The following VPS35L variants were observed in gnomAD, a reference collection of about 807,000 sequenced individuals.
VPS35L encodes the protein VPS35 endosomal protein sorting factor like, also known as VPS35 endosomal protein-sorting factor-like.
A neutral mutation model predicts 133.0 loss-of-function variants in VPS35L; 83 were observed. The ratio of observed to expected loss-of-function variants is 0.62; its 90% CI spans 0.52 to 0.75. VPS35L has a LOEUF of 0.75. Among genes scored for constraint, VPS35L ranks in the 30% least tolerant of loss-of-function variants. The probability of loss-of-function intolerance (pLI) is 0.00; values close to 1 mark genes in which losing one functional copy is unlikely to be tolerated. For missense variants in VPS35L, 1,083 were observed against 1,206.8 expected (o/e 0.90, Z 1.52); for synonymous variants, 423 against 449.9 (o/e 0.94, Z 0.76).
At chr16:19,692,247 T>A (rs1253820483) in intron 29 of VPS35L, among the ~76,000 whole-genome samples, 2 of 152,048 alleles carry the variant, frequency 1.3e-5, no homozygotes, top group Non-Finnish European at 2.9e-5. Flanking sequence ...ACCCGGTAAC[T>A]CTCTGCACCA....
chr16:19,635,405 C>T (rs1008766215), intron 19 of VPS35L, among the ~76,000 whole-genome samples: 1 of 152,080 alleles, frequency 6.6e-6, no homozygotes, highest in African/African-American at 2.4e-5. Flanking sequence ...AAAAACCCCA[C>T]ATATATCATT....
At chr16:19,620,753 C>G (rs914549344) in intron 14 of VPS35L, among the ~76,000 whole-genome samples, 2 of 152,066 alleles carry the variant, frequency 1.3e-5, no homozygotes, top group African/African-American at 4.8e-5. Context: ...GAGTTTGAGA[C>G]CAGCCTGGCC....
At chr16:19,669,950 T>C (rs2151606014) in intron 27 of VPS35L, among the ~76,000 whole-genome samples, 1 of 152,176 alleles carries the variant, frequency 6.6e-6, no homozygotes, top group Non-Finnish European at 1.5e-5. Flanking sequence ...GGATTACAGG[T>C]GTGAGCCACC....
chr16:19,678,782 A>G (rs1412076936), intron 27 of VPS35L, among the ~76,000 whole-genome samples: 3 of 151,894 alleles, frequency 2.0e-5, no homozygotes, highest in African/African-American at 4.8e-5. Context: ...CCAGCCCATC[A>G]GTACAATTAA....
chr16:19,606,784 A>C (rs1282801490), intron 9 of VPS35L, among the ~76,000 whole-genome samples: 1 of 152,204 alleles, frequency 6.6e-6, no homozygotes, highest in Non-Finnish European at 1.5e-5. Context: ...TTAGAGAATA[A>C]ATAAATAAGG....
At chr16:19,664,628 C>T (rs1005494094) in intron 26 of VPS35L, among the ~76,000 whole-genome samples, 1 of 151,362 alleles carries the variant, frequency 6.6e-6, no homozygotes. Context: ...CAGCAGGGAA[C>T]GGTGGCTCAC....
intron 7 of VPS35L, among the ~76,000 whole-genome samples, chr16:19,587,847 T>A (rs1971920616): frequency 6.9e-6 from 1 of 145,742 alleles, no homozygotes; most frequent in Non-Finnish European, 1.5e-5. Flanking sequence ...TCACCAAGGC[T>A]GGAGTGCAGT....
intron 6 of VPS35L, 31 bp downstream of exon 6, chr16:19,579,159 T>A (rs763993541): frequency 5.0e-6 from 8 of 1,598,628 alleles, no homozygotes; most frequent in Admixed American, 3.4e-5. Context: ...ATACAGGGAG[T>A]GGGAGAGCTT....
intron 12 of VPS35L, among the ~76,000 whole-genome samples, chr16:19,614,704 G>A (rs1439436413): frequency 1.3e-5 from 2 of 152,126 alleles, no homozygotes; most frequent in Non-Finnish European, 2.9e-5. Flanking sequence ...AGCCACTGCA[G>A]CCCAGCCTAC....
Position 19,573,133 on chromosome 16 carries a change from G to A in VPS35L, c.300G>A (p.Arg100=). ...CCTTTCTTTAGGACAGCTCCAGAAG[G>A]AAACGTGATAGAGATGATAACTCCG... The part of the protein sequence containing the change: ...ALAAAMDSSR[R]KRDRDDNSVV... The change falls in exon 4 of 31, where the codon AGG becomes AGA. Residue 100 remains arginine (R), a synonymous_variant. Transcript: ENST00000417362. 1 of 1,613,668 alleles carries A rather than the reference G, an allele frequency of 6.2e-7. No individual in the cohort carries two copies. The highest frequency in any genetic ancestry group is 8.5e-7 in the Non-Finnish European group (1 of 1,179,786).
At chr16:19,563,088 C>T (rs1013212516) in intron 1 of VPS35L, among the ~76,000 whole-genome samples, 33 of 151,764 alleles carry the variant, frequency 2.2e-4, no homozygotes, top group African/African-American at 7.0e-4. Flanking sequence ...AAAAGGAAAA[C>T]GGATACTTTA....
chr16:19,638,611 G>A (rs556032069), intron 20 of VPS35L, among the ~76,000 whole-genome samples: 86 of 152,358 alleles, frequency 5.6e-4, no homozygotes, highest in African/African-American at 2.0e-3. Flanking sequence ...GCATCATTAA[G>A]TAAAATAAGT....
chr16:19,685,230 C>G (rs1233012641), intron 28 of VPS35L, among the ~76,000 whole-genome samples: 2 of 152,214 alleles, frequency 1.3e-5, no homozygotes, highest in East Asian at 1.9e-4. Context: ...ACACACCACT[C>G]TCTCTCCTGA....
chr16:19,604,696 T>G (rs761221229), intron 9 of VPS35L, among the ~76,000 whole-genome samples: 1 of 152,184 alleles, frequency 6.6e-6, no homozygotes, highest in Non-Finnish European at 1.5e-5. Context: ...CCAAAGAGAT[T>G]ATGTGTGAAG....
intron 27 of VPS35L, 121 bp downstream of exon 27, chr16:19,669,420 C>G: frequency 8.0e-7 from 1 of 1,245,060 alleles, no homozygotes; most frequent in Non-Finnish European, 1.1e-6. Context: ...GTTGGTTTTC[C>G]AGTTAGGTAT....
At chr16:19,588,872 C>T (rs1327258197) in intron 7 of VPS35L, among the ~76,000 whole-genome samples, 2 of 152,196 alleles carry the variant, frequency 1.3e-5, no homozygotes, top group Non-Finnish European at 1.5e-5. Context: ...TCCATAGTAG[C>T]TGTGCCAGCA....
At chr16:19,609,691 A>G (rs1972649278) in intron 11 of VPS35L, among the ~76,000 whole-genome samples, 1 of 152,194 alleles carries the variant, frequency 6.6e-6, no homozygotes, top group African/African-American at 2.4e-5. Flanking sequence ...GGTGCTCCAC[A>G]GATAGCTCTA....
rs1188787146 is a variant in VPS35L, at chr16:19,564,831, T to C, written c.18-20T>C. The C allele has an allele frequency of 1.3e-6, 2 of 1,581,850 alleles. No individual in the cohort carries two copies. The highest frequency in any genetic ancestry group is 1.7e-6 in the Non-Finnish European group (2 of 1,151,990). On this transcript the variant is annotated intron_variant, in intron 1 of 30. Transcript: ENST00000417362. The stretch of plus-strand genomic sequence containing the variant: ...TAAGTACCCCCATCCACTAATTGGC[T>C]GTGTTTCGCTGTTTACCAGGCACTC...
intron 14 of VPS35L, among the ~76,000 whole-genome samples, chr16:19,622,737 T>C (rs1443106434): frequency 1.3e-5 from 2 of 152,168 alleles, no homozygotes; most frequent in African/African-American, 4.8e-5. Context: ...CTTAGCCTTT[T>C]CCAAAGGCCA....
Sources: allele counts gnomAD v4.1 joint callset (sites outside exome capture counted in the v4.1 genomes callset), GRCh38; gene constraint gnomAD v4.1.1; transcripts MANE v1.5; gene names NCBI Gene and HGNC (gene_info 2026-07-23, HGNC 2026-07-21).